The following ERBB4 variants were observed in gnomAD, a reference collection of about 807,000 sequenced individuals.
ERBB4 encodes the protein receptor tyrosine-protein kinase erbB-4.
In ERBB4, 42 loss-of-function variants were observed where a neutral mutation model predicts 158.0. The observed-to-expected ratio is 0.27, with a 90% CI of 0.21 to 0.34. The LOEUF is 0.34. Among genes scored for constraint, ERBB4 ranks in the 10% least tolerant of loss-of-function variants. The pLI is 1.00. For missense variants in ERBB4, 1,333 were observed against 1,624.1 expected, an observed-to-expected ratio of 0.82 and a Z score of 3.08; for synonymous variants, 583 against 558.7, an observed-to-expected ratio of 1.04 and a Z score of -0.61.
intron 19 of ERBB4, 48 bp downstream of exon 19, chr2:211,619,129 C>A (rs752263464): frequency 9.2e-7 from 1 of 1,085,170 alleles, no homozygotes; most frequent in Non-Finnish European, 1.4e-6. Flanking sequence ...TCTAAGCAGG[C>A]TATTTGATAA....
chr2:212,508,011 C>A (rs554424168), intron 1 of ERBB4, among the ~76,000 whole-genome samples: 98 of 152,290 alleles, frequency 6.4e-4, no homozygotes, highest in African/African-American at 2.1e-3. Flanking sequence ...ACAGCCACCA[C>A]AACCCTTCAG....
At chr2:212,219,861 T>C (rs1320849188) in intron 1 of ERBB4, among the ~76,000 whole-genome samples, 1 of 151,070 alleles carries the variant, frequency 6.6e-6, no homozygotes, top group Non-Finnish European at 1.5e-5. Context: ...AACAACCTTT[T>C]ATTATAAAGT....
intron 1 of ERBB4, among the ~76,000 whole-genome samples, chr2:212,199,078 G>C (rs771666187): frequency 1.3e-5 from 2 of 152,088 alleles, no homozygotes; most frequent in Non-Finnish European, 2.9e-5. Flanking sequence ...TCACCATACT[G>C]TTTTCCACAG....
At chr2:212,443,599 G>A (rs1377805786) in intron 1 of ERBB4, among the ~76,000 whole-genome samples, 2 of 152,156 alleles carry the variant, frequency 1.3e-5, no homozygotes, top group Non-Finnish European at 2.9e-5. Flanking sequence ...TGACCAAAAG[G>A]CTGCCAGTTT....
At chr2:211,439,642 G>C (rs1463315053) in intron 20 of ERBB4, among the ~76,000 whole-genome samples, 1 of 152,146 alleles carries the variant, frequency 6.6e-6, no homozygotes, top group Admixed American at 6.5e-5. Context: ...CTTTGGACAA[G>C]TTATTTTACC....
intron 1 of ERBB4, among the ~76,000 whole-genome samples, chr2:212,391,122 T>A (rs2090840878): frequency 6.6e-6 from 1 of 151,704 alleles, no homozygotes; most frequent in South Asian, 2.1e-4. Context: ...CACAGACAAC[T>A]TCAAATTCAT....
At chr2:211,436,875 T>C (rs1465661137) in intron 20 of ERBB4, among the ~76,000 whole-genome samples, 1 of 152,166 alleles carries the variant, frequency 6.6e-6, no homozygotes, top group Admixed American at 6.6e-5. Context: ...AAAGATTTGG[T>C]GCCCTCTATA....
chr2:211,750,534 T>C, intron 5 of ERBB4, 105 bp downstream of exon 5: 1 of 952,996 alleles, frequency 1.0e-6, no homozygotes, highest in South Asian at 1.3e-5. Context: ...CACAAGGAGG[T>C]GATAGCTCAT....
chr2:212,468,636 G>A (rs970356450), intron 1 of ERBB4, among the ~76,000 whole-genome samples: 7 of 152,166 alleles, frequency 4.6e-5, no homozygotes, highest in Non-Finnish European at 8.8e-5. Flanking sequence ...TCAGCAGTGT[G>A]AAAACAGACT....
intron 20 of ERBB4, among the ~76,000 whole-genome samples, chr2:211,527,656 A>G (rs923872831): frequency 1.3e-5 from 2 of 152,090 alleles, no homozygotes; most frequent in Non-Finnish European, 2.9e-5. Flanking sequence ...TCTTCAAGAC[A>G]TAGGCAGTAT....
chr2:211,418,908 G>A (rs1033567795), intron 25 of ERBB4, among the ~76,000 whole-genome samples: 2 of 152,054 alleles, frequency 1.3e-5, no homozygotes, highest in African/African-American at 4.8e-5. Context: ...TTGGGCATGT[G>A]ATAAAGTTTT....
intron 2 of ERBB4, among the ~76,000 whole-genome samples, chr2:212,015,626 G>A (rs1466227433): frequency 2.6e-5 from 4 of 152,154 alleles, no homozygotes; most frequent in East Asian, 3.9e-4. Context: ...GTAATTATTT[G>A]TTTCTGTTTC....
chr2:212,340,189 C>T (rs756830038), intron 1 of ERBB4, among the ~76,000 whole-genome samples: 1 of 151,972 alleles, frequency 6.6e-6, no homozygotes, highest in Non-Finnish European at 1.5e-5. Flanking sequence ...TTGAGAGCCA[C>T]CACACCCAGT....
intron 1 of ERBB4, among the ~76,000 whole-genome samples, chr2:212,229,874 T>G (rs1193514116): frequency 6.6e-6 from 1 of 152,224 alleles, no homozygotes; most frequent in Non-Finnish European, 1.5e-5. Context: ...ATGGCGGTCC[T>G]ATTAAAATGA....
In ERBB4 at chr2:211,804,827, A is replaced by T. The variant is rs2076578712; in HGVS notation, c.422-16668T>A. Among the ~76,000 whole-genome samples the T allele has an allele frequency of 1.3e-5, 2 of 152,096 alleles. 1 individual carries two copies. Among genetic ancestry groups the T allele is most frequent in the East Asian group, 3.9e-4 (2 of 5,188 alleles). On this transcript the variant is annotated intron_variant, in intron 3 of 27. Transcript: ENST00000342788. ...CTTTAACTGTCCATTTTAGAGGAAC[A>T]TGGTTAGAGTGAATCCTTCTAAATG...
chr2:211,535,589 ATGTGTG>A (rs10636668), intron 20 of ERBB4: 6 of 144,790 alleles, frequency 4.1e-5, no homozygotes, highest in Non-Finnish European at 4.7e-5. Flanking sequence ...GAGAGAGTGT[ATGTGTG>A]TGTGTGTGTG....
chr2:211,562,148 C>T (rs1250461356), intron 19 of ERBB4, 60 bp from the exon 20 acceptor site: 3 of 1,447,794 alleles, frequency 2.1e-6, no homozygotes, highest in Non-Finnish European at 2.9e-6. Context: ...TTTAGAGTTA[C>T]TTGGATTGTA....
At chr2:212,217,638 A>G (rs1171338932) in intron 1 of ERBB4, among the ~76,000 whole-genome samples, 1 of 151,286 alleles carries the variant, frequency 6.6e-6, no homozygotes, top group Non-Finnish European at 1.5e-5. Flanking sequence ...GTGACAATCT[A>G]TTGTCATCAG....
At chr2:211,879,932 C>A (rs2078616751) in intron 3 of ERBB4, among the ~76,000 whole-genome samples, 1 of 150,426 alleles carries the variant, frequency 6.6e-6, no homozygotes, top group South Asian at 2.1e-4. Context: ...AGTCTGCATT[C>A]CAGAAGTATG....
Sources: gnomAD v4.1 joint callset for allele counts (sites outside exome capture counted in the v4.1 genomes callset) on GRCh38, gnomAD v4.1.1 for gene constraint, MANE v1.5 for transcripts, NCBI Gene and HGNC (gene_info 2026-07-23, HGNC 2026-07-21) for gene names.